The following PTPRK variants were observed in gnomAD, a reference collection of about 807,000 sequenced individuals.
The protein encoded by PTPRK is protein tyrosine phosphatase receptor type K.
In PTPRK, 75 loss-of-function variants were observed where a neutral mutation model predicts 178.0. The ratio of observed to expected loss-of-function variants is 0.42; its 90% confidence interval spans 0.35 to 0.51. PTPRK has a LOEUF of 0.51. Among genes scored for constraint, PTPRK ranks in the 20% least tolerant of loss-of-function variants. The probability of loss-of-function intolerance (pLI) is 0.02; values close to 1 mark genes in which losing one functional copy is unlikely to be tolerated. For synonymous variants in PTPRK, 637 were observed against 620.6 expected (o/e 1.03, Z -0.39); for missense variants, 1,441 against 1,797.8 (o/e 0.80, Z 3.59).
intron 8 of PTPRK, among the ~76,000 whole-genome samples, chr6:128,087,240 A>C (rs751313564): frequency 1.2e-3 from 181 of 152,224 alleles, no homozygotes; most frequent in Admixed American, 4.6e-3. Flanking sequence ...ATACCATCAA[A>C]ATGAATTCTA....
intron 7 of PTPRK, among the ~76,000 whole-genome samples, chr6:128,118,169 A>G (rs1404527217): frequency 6.6e-6 from 1 of 152,212 alleles, no homozygotes; most frequent in Non-Finnish European, 1.5e-5. Context: ...TATGACTCAA[A>G]TAACTTCATT....
chr6:128,217,485 G>C (rs1809545949), intron 6 of PTPRK, among the ~76,000 whole-genome samples: 1 of 152,052 alleles, frequency 6.6e-6, no homozygotes, highest in African/African-American at 2.4e-5. Flanking sequence ...AGAAACAATG[G>C]GTTCTATTCT....
chr6:128,248,827 A>G (rs1344485099), intron 3 of PTPRK, among the ~76,000 whole-genome samples: 1 of 152,216 alleles, frequency 6.6e-6, no homozygotes, highest in East Asian at 1.9e-4. Context: ...GAAAGGTTCA[A>G]CTTTCAAAAA....
At chr6:128,253,805 T>C (rs1246356966) in intron 3 of PTPRK, among the ~76,000 whole-genome samples, 2 of 152,254 alleles carry the variant, frequency 1.3e-5, no homozygotes, top group African/African-American at 4.8e-5. Flanking sequence ...TCAGCCTACA[T>C]GTACCATCAT....
chr6:128,321,796 A>C (rs1562280142), intron 3 of PTPRK: 6 of 707,572 alleles, frequency 8.5e-6, no homozygotes, highest in African/African-American at 7.0e-5. Flanking sequence ...TCTAGTTTGA[A>C]GGTTTTGTGC....
At chr6:128,400,441 A>T (rs1840873206) in intron 1 of PTPRK, among the ~76,000 whole-genome samples, 1 of 152,210 alleles carries the variant, frequency 6.6e-6, no homozygotes, top group African/African-American at 2.4e-5. Flanking sequence ...AATGAAAGTA[A>T]ATACGAAAAG....
At chr6:128,382,834 A>G (rs1017586330) in intron 2 of PTPRK, among the ~76,000 whole-genome samples, 7 of 152,142 alleles carry the variant, frequency 4.6e-5, no homozygotes, top group African/African-American at 1.7e-4. Context: ...CTTCCTAAAC[A>G]TAGATGTAGA....
chr6:128,486,415 A>G (rs1286591602), intron 1 of PTPRK, among the ~76,000 whole-genome samples: 2 of 152,188 alleles, frequency 1.3e-5, no homozygotes, highest in Admixed American at 1.3e-4. Context: ...TTTTTATGAC[A>G]AACATAAAGA....
At chr6:128,176,148 T>C (rs973123087) in intron 7 of PTPRK, among the ~76,000 whole-genome samples, 6 of 151,876 alleles carry the variant, frequency 4.0e-5, no homozygotes, top group Non-Finnish European at 8.8e-5. Flanking sequence ...AAGGAGAGTG[T>C]GTACATATAT....
chr6:128,023,133 A>G (rs1413609294), intron 13 of PTPRK, among the ~76,000 whole-genome samples: 2 of 152,226 alleles, frequency 1.3e-5, no homozygotes, highest in Admixed American at 6.5e-5. Context: ...AAAGGCTAAA[A>G]TCTGTAAAAC....
At chr6:128,347,488 A>G (rs1365894197) in intron 2 of PTPRK, among the ~76,000 whole-genome samples, 1 of 152,136 alleles carries the variant, frequency 6.6e-6, no homozygotes, top group Non-Finnish European at 1.5e-5. Flanking sequence ...GGTCAATGTG[A>G]TATGTTGATT....
At chr6:128,366,782 A>T (rs1267471789) in intron 2 of PTPRK, among the ~76,000 whole-genome samples, 1 of 152,168 alleles carries the variant, frequency 6.6e-6, no homozygotes, top group East Asian at 1.9e-4. Flanking sequence ...GGTTCATGAA[A>T]CATAAAAGAG....
chr6:127,982,733 G>T (rs1775493563), intron 24 of PTPRK, 98 bp downstream of exon 24: 4 of 1,052,988 alleles, frequency 3.8e-6, no homozygotes, highest in Non-Finnish European at 5.5e-6. Flanking sequence ...AGGATCAAAG[G>T]TTATAAATTT....
At chr6:127,989,009 ATCAT>A (rs1356248233) in intron 21 of PTPRK, among the ~76,000 whole-genome samples, 1 of 152,206 alleles carries the variant, frequency 6.6e-6, no homozygotes, top group Non-Finnish European at 1.5e-5. Context: ...TTTTGAGGAA[ATCAT>A]TCAAGGATTA....
chr6:128,244,025 A>G (rs572510302), intron 3 of PTPRK, among the ~76,000 whole-genome samples: 7 of 152,344 alleles, frequency 4.6e-5, no homozygotes, highest in African/African-American at 1.7e-4. Flanking sequence ...CAGAGAAGGT[A>G]GAACTTACTG....
At chr6:128,059,769 T>C (rs1780505794) in intron 13 of PTPRK, among the ~76,000 whole-genome samples, 1 of 152,160 alleles carries the variant, frequency 6.6e-6, no homozygotes, top group Non-Finnish European at 1.5e-5. Flanking sequence ...AAAAGCAAAA[T>C]GCTTGAATCA....
intron 3 of PTPRK, among the ~76,000 whole-genome samples, chr6:128,291,955 C>T (rs1204614978): frequency 6.6e-6 from 1 of 151,960 alleles, no homozygotes; most frequent in Non-Finnish European, 1.5e-5. Context: ...TGAAGAAAAA[C>T]CTACAGTTTT....
At chr6:128,139,413 G>A (rs552044957) in intron 7 of PTPRK, among the ~76,000 whole-genome samples, 1 of 152,072 alleles carries the variant, frequency 6.6e-6, no homozygotes, top group South Asian at 2.1e-4. Context: ...TATAAAATGA[G>A]TGAAATTTCA....
chr6:127,998,477 G>A (rs1442261244), intron 16 of PTPRK, among the ~76,000 whole-genome samples: 4 of 151,620 alleles, frequency 2.6e-5, no homozygotes, highest in East Asian at 1.9e-4. Flanking sequence ...AATAAATTAC[G>A]GAATCCAACA....
Sources: allele counts gnomAD v4.1 joint callset (sites outside exome capture counted in the v4.1 genomes callset), GRCh38; gene constraint gnomAD v4.1.1; transcripts MANE v1.5; gene names NCBI Gene and HGNC (gene_info 2026-07-23, HGNC 2026-07-21).